Variants in NRP1 observed in about 807,000 individuals in gnomAD.
NRP1 encodes neuropilin 1.
Under a neutral mutation model 106.7 loss-of-function variants are expected in NRP1, and 35 were observed. That is an observed-to-expected ratio of 0.33 (90% CI 0.25 to 0.43). The LOEUF is 0.43. Ranked by LOEUF, NRP1 falls within the 20% of genes least tolerant of loss-of-function variation. NRP1 has a pLI of 1.00. For synonymous variants in NRP1, 437 were observed against 417.9 expected, an observed-to-expected ratio of 1.05 and a Z score of -0.56; for missense variants, 1,024 against 1,170.4, an observed-to-expected ratio of 0.87 and a Z score of 1.83.
intron 2 of NRP1, among the ~76,000 whole-genome samples, chr10:33,320,137 A>AC (rs1312942854): frequency 6.6e-6 from 1 of 150,912 alleles, no homozygotes; most frequent in African/African-American, 2.4e-5. Context: ...ACATGGGGAA[A>AC]CCCCATCTCT....
chr10:33,327,693 C>T (rs555583463), intron 2 of NRP1, among the ~76,000 whole-genome samples: 1 of 152,054 alleles, frequency 6.6e-6, no homozygotes, highest in East Asian at 1.9e-4. Flanking sequence ...TTCCAATCCC[C>T]TGTAAAATTT....
chr10:33,329,407 T>C (rs572319447), intron 2 of NRP1, among the ~76,000 whole-genome samples: 10 of 152,202 alleles, frequency 6.6e-5, no homozygotes, highest in Non-Finnish European at 1.5e-4. Context: ...TCTCTGACCA[T>C]GAAAAGCTAG....
intron 6 of NRP1, among the ~76,000 whole-genome samples, chr10:33,233,108 A>T (rs780003720): frequency 4.6e-5 from 7 of 152,196 alleles, no homozygotes; most frequent in Non-Finnish European, 1.0e-4. Flanking sequence ...TCCACTCACA[A>T]TGAGAAGATC....
Position 33,264,281 on chromosome 10 carries a change from G to A in NRP1, c.431-408C>T, listed in dbSNP as rs79197907. Reference sequence around the variant, plus strand: ...GGTGAAATAGAACATTTATAAAGGCGAGGGAGAGAATTCAGTGGAGGCAGT... The same window carrying A: ...GGTGAAATAGAACATTTATAAAGGCAAGGGAGAGAATTCAGTGGAGGCAGT... On this transcript the variant is annotated intron_variant, in intron 3 of 16. Coordinates refer to ENST00000374867, the MANE Select transcript of NRP1 (RefSeq NM_003873.7). Among the ~76,000 whole-genome samples the A allele has an allele frequency of 6.9e-3, 1,052 of 152,314 alleles. 14 individuals carry two copies. The highest frequency in any genetic ancestry group is 0.025 in the African/African-American group (1,026 of 41,568).
intron 2 of NRP1, among the ~76,000 whole-genome samples, chr10:33,314,731 C>T (rs1048688921): frequency 2.6e-5 from 4 of 152,180 alleles, no homozygotes; most frequent in Non-Finnish European, 4.4e-5. Flanking sequence ...CCTCCAGAAA[C>T]AAGCAGGCCT....
At chr10:33,323,999 A>G (rs1177068206) in intron 2 of NRP1, among the ~76,000 whole-genome samples, 4 of 152,200 alleles carry the variant, frequency 2.6e-5, no homozygotes, top group African/African-American at 7.2e-5. Context: ...ATTCAGTCTG[A>G]TAAGATTTCA....
intron 2 of NRP1, among the ~76,000 whole-genome samples, chr10:33,308,907 T>C (rs940844724): frequency 6.6e-6 from 1 of 152,166 alleles, no homozygotes; most frequent in East Asian, 1.9e-4. Context: ...GAAAAATAAA[T>C]ATACATGCCT....
At chr10:33,333,247 T>G (rs1320148071) in intron 1 of NRP1, among the ~76,000 whole-genome samples, 1 of 151,844 alleles carries the variant, frequency 6.6e-6, no homozygotes, top group East Asian at 1.9e-4. Context: ...TTTTTTTGCA[T>G]GTGTTTTGCT....
At chr10:33,193,970 T>C (rs1470936855) in intron 12 of NRP1, among the ~76,000 whole-genome samples, 3 of 152,164 alleles carry the variant, frequency 2.0e-5, no homozygotes. Flanking sequence ...AGTAAACTAG[T>C]AAGCTATGTG....
intron 10 of NRP1, 61 bp downstream of exon 10, chr10:33,207,511 T>G (rs1837882187): frequency 1.3e-6 from 2 of 1,593,696 alleles, no homozygotes; most frequent in East Asian, 2.3e-5. Flanking sequence ...ATCAGGGGCA[T>G]AAATGCATGG....
At chr10:33,329,471 T>C (rs1848121635) in intron 2 of NRP1, among the ~76,000 whole-genome samples, 1 of 152,218 alleles carries the variant, frequency 6.6e-6, no homozygotes, top group Non-Finnish European at 1.5e-5. Flanking sequence ...TAGGAAGATT[T>C]TGATATTACT....
chr10:33,213,238 A>G (rs1838456952), intron 9 of NRP1, 148 bp downstream of exon 9: 2 of 1,588,280 alleles, frequency 1.3e-6, no homozygotes, highest in African/African-American at 1.4e-5. Context: ...GTCTTCCTAG[A>G]ATCAAGGGTC....
chr10:33,269,779 T>A (rs1013119792), intron 3 of NRP1, among the ~76,000 whole-genome samples: 1 of 152,106 alleles, frequency 6.6e-6, no homozygotes, highest in Non-Finnish European at 1.5e-5. Context: ...CAAACCCTAT[T>A]GTGAACTGTG....
At chr10:33,236,275 T>C (rs1232785910) in intron 6 of NRP1, among the ~76,000 whole-genome samples, 3 of 152,194 alleles carry the variant, frequency 2.0e-5, no homozygotes, top group Non-Finnish European at 4.4e-5. Flanking sequence ...TTTAAAACAA[T>C]GGTAATCAGT....
chr10:33,213,614 G>T lies in NRP1; in HGVS notation c.1386C>A (p.Ile462=). Residue 462 remains isoleucine, a synonymous_variant, in exon 9 of 17, where the codon ATC becomes ATA. Transcript: ENST00000374867. The part of the protein sequence containing the change: ...QGDRNWMPEN[I]RLVTSRSGWA... ...AGCCAGAGCGACTGGTTACCAGGCG[G>T]ATGTTTTCAGGCATCCAGTTTCTGT... 1 of 1,614,076 alleles carries T rather than the reference G, an allele frequency of 6.2e-7. No homozygotes were observed. The highest frequency in any genetic ancestry group is 8.5e-7 in the Non-Finnish European group (1 of 1,180,026).
intron 2 of NRP1, among the ~76,000 whole-genome samples, chr10:33,301,073 A>G (rs1353004973): frequency 6.6e-6 from 1 of 152,194 alleles, no homozygotes; most frequent in Non-Finnish European, 1.5e-5. Context: ...GGAGCCGAAC[A>G]AAGTCCAAAT....
intron 8 of NRP1, among the ~76,000 whole-genome samples, chr10:33,215,772 T>C (rs1383744048): frequency 2.0e-5 from 3 of 152,342 alleles, no homozygotes; most frequent in Non-Finnish European, 4.4e-5. Flanking sequence ...GTCCAGATCA[T>C]GTCGTTTCTT....
chr10:33,255,649 A>G (rs777451285), intron 5 of NRP1, among the ~76,000 whole-genome samples: 3 of 152,122 alleles, frequency 2.0e-5, no homozygotes, highest in African/African-American at 4.8e-5. Flanking sequence ...TCAGGTTCGC[A>G]TTATATTGCC....
intron 7 of NRP1, 106 bp downstream of exon 7, chr10:33,226,028 A>G: frequency 1.6e-6 from 2 of 1,272,420 alleles, no homozygotes; most frequent in South Asian, 1.4e-5. Flanking sequence ...TTTCAAATCA[A>G]TTCAAAAATA....
Sources: gnomAD v4.1 joint callset for allele counts (sites outside exome capture counted in the v4.1 genomes callset) on GRCh38, gnomAD v4.1.1 for gene constraint, MANE v1.5 for transcripts, NCBI Gene and HGNC (gene_info 2026-07-23, HGNC 2026-07-21) for gene names.